CBLN2: variants seen among roughly 807,000 people sequenced by gnomAD.
CBLN2 encodes the protein cerebellin-2.
In CBLN2, 7 loss-of-function variants were observed where a neutral mutation model predicts 15.0. That is an observed-to-expected ratio of 0.47 (90% CI 0.27 to 0.88). CBLN2 has a LOEUF of 0.88. Among genes scored for constraint, CBLN2 ranks in the 40% least tolerant of loss-of-function variants. The pLI, the probability that CBLN2 is intolerant of heterozygous loss-of-function variation, is 0.14. For synonymous variants in CBLN2, 149 were observed against 135.2 expected (o/e 1.10, Z -0.71); for missense variants, 242 against 304.5 (o/e 0.79, Z 1.53).
rs188270432 is a variant in CBLN2 at position 72,570,597 on chromosome 18, C to A, written c.16-31825G>T. 1.5e-3 allele frequency among the ~76,000 whole-genome samples: 222 copies of A among 152,088 alleles called. 2 individuals are homozygous for A. Among genetic ancestry groups the A allele is most frequent in the African/African-American group, 4.9e-3 (202 of 41,484 alleles). On this transcript the variant is annotated intron_variant, in intron 1 of 2. Coordinates refer to the CBLN2 transcript ENST00000581073. ...CTGAATGAGGCTTATCTAACACATG[C>A]ATTTTTTTTTCCATAAAGCACCTCA...
chr18:72,573,275 T>TG (rs1358615708), intron 1 of CBLN2, among the ~76,000 whole-genome samples: 4 of 152,202 alleles, frequency 2.6e-5, no homozygotes, highest in African/African-American at 7.2e-5. Context: ...ATAAATATCT[T>TG]GGGGGGAAGG....
chr18:72,609,942 C>A (rs956303951), intron 1 of CBLN2, among the ~76,000 whole-genome samples: 1 of 152,118 alleles, frequency 6.6e-6, no homozygotes, highest in Non-Finnish European at 1.5e-5. Flanking sequence ...GTCCTGCCAC[C>A]TCTACGCCTG....
At position 72,542,203 on chromosome 18, in the gene CBLN2, C is replaced by T. The variant is rs184946495; in HGVS notation, c.-43G>A. ...GGCGCGCGGGGGTGGAGGCCGGCGCCGGCGCGAGCGGCGCGGAAGGGCGCG... is the reference window on the plus strand; with the variant it reads ...GGCGCGCGGGGGTGGAGGCCGGCGCTGGCGCGAGCGGCGCGGAAGGGCGCG... On this transcript the variant is annotated 5_prime_UTR_variant, in exon 3 of 5. Transcript: ENST00000269503. The T allele has an allele frequency of 8.6e-7, 1 of 1,159,304 alleles. No homozygotes were observed. The highest frequency in any genetic ancestry group is 1.1e-6 in the Non-Finnish European group (1 of 939,332). 71.8% of individuals were successfully genotyped at this position (1,159,304 alleles called of 1,614,324 possible).
In CBLN2 at chr18:72,598,249, T is replaced by C. The variant is rs2069525658; in HGVS notation, c.15+40076A>G. On this transcript the variant is annotated intron_variant, in intron 1 of 2. Coordinates refer to the CBLN2 transcript ENST00000581073. ...CATTATTCAGGACCCAAGGGCTCTT[T>C]AGTCAGCAGGTGATGAATCCTGCCA... Among the ~76,000 whole-genome samples, 4 of 152,188 alleles carry C rather than the reference T, an allele frequency of 2.6e-5. No individual in the cohort carries two copies. The South Asian group carries it at 8.3e-4, about 32-fold the overall frequency.
chr18:72,630,910 T>C (rs2069771774), intron 1 of CBLN2: 1 of 152,112 alleles, frequency 6.6e-6, no homozygotes, highest in Non-Finnish European at 1.5e-5. Flanking sequence ...TGTGTGAAAA[T>C]AGGCCTTATT....
chr18:72,603,738 C>T (rs1018772303), intron 1 of CBLN2, among the ~76,000 whole-genome samples: 2 of 152,142 alleles, frequency 1.3e-5, no homozygotes, highest in South Asian at 4.1e-4. Flanking sequence ...AATGCTCTAT[C>T]CAGTGTATCA....
rs57989689 is a variant in CBLN2 at position 72,598,183 on chromosome 18, CATCCAAA to C, written c.15+40135_15+40141del. On this transcript the variant is annotated intron_variant, in intron 1 of 2. Transcript: ENST00000581073. ...ATAAAACCAGCATGGCTCTGAGTTT[CATCCAAA>C]GTCCAAAGTAGGTACTCCCTGGTTC... Among the ~76,000 whole-genome samples, 718 of 152,286 alleles carry C rather than the reference CATCCAAA, an allele frequency of 4.7e-3. 5 individuals are homozygous for C. Among genetic ancestry groups the C allele is most frequent in the African/African-American group, 0.016 (679 of 41,568 alleles).
At chr18:72,545,884 G>A (rs1003282040), upstream of CBLN2, among the ~76,000 whole-genome samples, 1 of 152,188 alleles carries the variant, frequency 6.6e-6, no homozygotes, top group Non-Finnish European at 1.5e-5. Flanking sequence ...ATGAACTATC[G>A]TCATCAACAC....
chr18:72,569,345 G>T (rs1223035397), intron 1 of CBLN2, among the ~76,000 whole-genome samples: 9 of 152,032 alleles, frequency 5.9e-5, no homozygotes, highest in Admixed American at 3.9e-4. Flanking sequence ...TGAAAATAAT[G>T]ATATTGTTTT....
chr18:72,634,057 AAT>A (rs202095351), intron 1 of CBLN2, among the ~76,000 whole-genome samples: 2,088 of 151,362 alleles, frequency 0.014, 31 homozygotes, highest in Non-Finnish European at 0.019. Flanking sequence ...TAAATAAAAA[AAT>A]AAAAATTCAT....
chr18:72,552,311 T>G (rs920536970), intron 1 of CBLN2, among the ~76,000 whole-genome samples: 4 of 152,106 alleles, frequency 2.6e-5, no homozygotes, highest in African/African-American at 7.2e-5. Context: ...CTCGAACTCC[T>G]GACCTCAGGT....
chr18:72,567,270 T>C (rs2069301323), intron 1 of CBLN2, among the ~76,000 whole-genome samples: 1 of 152,150 alleles, frequency 6.6e-6, no homozygotes, highest in Non-Finnish European at 1.5e-5. Context: ...TAAGAAGAAC[T>C]AAACTAGGAT....
chr18:72,605,237 A>G (rs1197938067), intron 1 of CBLN2, among the ~76,000 whole-genome samples: 7 of 152,190 alleles, frequency 4.6e-5, no homozygotes, highest in Admixed American at 4.6e-4. Context: ...CTAAAGTAAC[A>G]TTTGAACACG....
At chr18:72,557,949 T>G (rs2069236883) in intron 1 of CBLN2, among the ~76,000 whole-genome samples, 1 of 151,216 alleles carries the variant, frequency 6.6e-6, no homozygotes, top group East Asian at 1.9e-4. Flanking sequence ...AGCACAAGAG[T>G]CCAAGCATAA....
intron 1 of CBLN2, among the ~76,000 whole-genome samples, chr18:72,622,109 T>C (rs987595209): frequency 1.1e-4 from 17 of 152,170 alleles, no homozygotes; most frequent in African/African-American, 3.9e-4. Flanking sequence ...AGATTTTGCT[T>C]TTGTAAACTG....
At chr18:72,631,633 G>A (rs1295263376) in intron 1 of CBLN2, among the ~76,000 whole-genome samples, 1 of 152,034 alleles carries the variant, frequency 6.6e-6, no homozygotes, top group African/African-American at 2.4e-5. Context: ...ACTGACTTGG[G>A]CAAATCTGGG....
At chr18:72,551,946 C>T (rs1021152977) in intron 1 of CBLN2, among the ~76,000 whole-genome samples, 1 of 152,106 alleles carries the variant, frequency 6.6e-6, no homozygotes, top group African/African-American at 2.4e-5. Flanking sequence ...CCTTTCATAT[C>T]AAAAAGTTAA....
chr18:72,617,313 T>A (rs1477095814), intron 1 of CBLN2, among the ~76,000 whole-genome samples: 2 of 152,166 alleles, frequency 1.3e-5, no homozygotes, highest in African/African-American at 4.8e-5. Context: ...CTTATACATG[T>A]TTACTGATTG....
intron 1 of CBLN2, among the ~76,000 whole-genome samples, chr18:72,616,729 T>C (rs2069665179): frequency 6.6e-6 from 1 of 152,206 alleles, no homozygotes; most frequent in Non-Finnish European, 1.5e-5. Context: ...TCTGTTTGTC[T>C]ATTTCATCTA....
Sources: gnomAD v4.1 joint callset for allele counts (sites outside exome capture counted in the v4.1 genomes callset) on GRCh38, gnomAD v4.1.1 for gene constraint, MANE v1.5 for transcripts, NCBI Gene and HGNC (gene_info 2026-07-23, HGNC 2026-07-21) for gene names.